ENOX1: variants seen among roughly 807,000 people sequenced by gnomAD.
ENOX1 encodes ecto-NOX disulfide-thiol exchanger 1.
In ENOX1, 42 loss-of-function variants were observed where a neutral mutation model predicts 82.5. The observed-to-expected ratio is 0.51, with a 90% CI of 0.40 to 0.66. The LOEUF is 0.66. Among genes scored for constraint, ENOX1 ranks in the 30% least tolerant of loss-of-function variants. The pLI, the probability that ENOX1 is intolerant of heterozygous loss-of-function variation, is 0.00. For missense variants in ENOX1, 608 were observed against 811.6 expected (o/e 0.75, Z 3.05); for synonymous variants, 271 against 282.2 (o/e 0.96, Z 0.40).
intron 5 of ENOX1, among the ~76,000 whole-genome samples, chr13:43,375,692 CA>C (rs1566068882): frequency 6.6e-6 from 1 of 152,174 alleles, no homozygotes; most frequent in Admixed American, 6.5e-5. Context: ...CTAGCTAAGC[CA>C]CTGTATCCCC....
At chr13:43,291,401 T>A (rs762710141) in intron 12 of ENOX1, among the ~76,000 whole-genome samples, 1 of 152,240 alleles carries the variant, frequency 6.6e-6, no homozygotes, top group South Asian at 2.1e-4. Flanking sequence ...CTTTGTTCCA[T>A]ATTTCAACCT....
chr13:43,588,587 AGTC>A (rs2081098385), intron 2 of ENOX1, among the ~76,000 whole-genome samples: 2 of 152,240 alleles, frequency 1.3e-5, no homozygotes, highest in African/African-American at 4.8e-5. Flanking sequence ...TGAAGTTGAA[AGTC>A]CTACTGGAGC....
intron 1 of ENOX1, among the ~76,000 whole-genome samples, chr13:43,705,280 C>T (rs1200386679): frequency 2.0e-5 from 3 of 147,568 alleles, no homozygotes; most frequent in Admixed American, 6.8e-5. Context: ...AGTGGGACTC[C>T]ATCTCAAAAA....
intron 2 of ENOX1, among the ~76,000 whole-genome samples, chr13:43,592,730 T>G (rs1184468617): frequency 1.3e-5 from 2 of 152,144 alleles, no homozygotes; most frequent in Non-Finnish European, 2.9e-5. Context: ...CTAAGCCAAT[T>G]TAACTTAACT....
At chr13:43,742,474 C>T (rs1054543321) in intron 1 of ENOX1, among the ~76,000 whole-genome samples, 1 of 151,956 alleles carries the variant, frequency 6.6e-6, no homozygotes, top group Non-Finnish European at 1.5e-5. Context: ...TTAGTTCACC[C>T]TTCCTCCATC....
At chr13:43,422,273 T>TG (rs2153607573) in intron 3 of ENOX1, among the ~76,000 whole-genome samples, 1 of 152,342 alleles carries the variant, frequency 6.6e-6, no homozygotes, top group East Asian at 1.9e-4. Flanking sequence ...TGAGACTTCT[T>TG]GCAGCTGCTC....
intron 2 of ENOX1, among the ~76,000 whole-genome samples, chr13:43,622,296 T>C (rs930289882): frequency 6.6e-6 from 1 of 152,176 alleles, no homozygotes; most frequent in African/African-American, 2.4e-5. Flanking sequence ...ACTGGTGTGA[T>C]ATTTTTGGGG....
Position 43,451,624 on chromosome 13 carries a change from T to C in ENOX1, c.-75+32385A>G, listed in dbSNP as rs74359713. On this transcript the variant is annotated intron_variant, in intron 3 of 16. Coordinates refer to ENST00000690772, the MANE Select transcript of ENOX1 (RefSeq NM_001347969.2). ...TAAATGGGAGTCCCTATAAAACTAG[T>C]GTTTTTATTAAAAAAGATACGTACA... Among the ~76,000 whole-genome samples the C allele has an allele frequency of 1.0e-3, 156 of 152,316 alleles. 1 individual carries two copies. The highest frequency in any genetic ancestry group is 3.4e-3 in the African/African-American group (143 of 41,574).
At chr13:43,457,049 G>T (rs1425910507) in intron 3 of ENOX1, among the ~76,000 whole-genome samples, 1 of 151,956 alleles carries the variant, frequency 6.6e-6, no homozygotes, top group African/African-American at 2.4e-5. Context: ...ATTTCAGTGA[G>T]ATTTATTTTT....
At chr13:43,737,303 A>G (rs1233629948) in intron 1 of ENOX1, among the ~76,000 whole-genome samples, 1 of 152,220 alleles carries the variant, frequency 6.6e-6, no homozygotes, top group African/African-American at 2.4e-5. Context: ...CATATCTAAC[A>G]TGGAGCACTA....
chr13:43,745,430 C>A (rs1464316966), intron 1 of ENOX1, among the ~76,000 whole-genome samples: 4 of 152,120 alleles, frequency 2.6e-5, no homozygotes, highest in Non-Finnish European at 4.4e-5. Context: ...GAAATCAAAA[C>A]CACTTAAGGA....
chr13:43,400,538 A>G (rs896094446), intron 5 of ENOX1, among the ~76,000 whole-genome samples: 4 of 152,138 alleles, frequency 2.6e-5, no homozygotes, highest in Admixed American at 1.3e-4. Context: ...ACTGATGATC[A>G]CTTTTTGGTT....
chr13:43,234,561 CAAAAGACCAACAGTGAGGGGA>C (rs1453762757), intron 15 of ENOX1, among the ~76,000 whole-genome samples: 1 of 152,088 alleles, frequency 6.6e-6, no homozygotes, highest in Non-Finnish European at 1.5e-5. Flanking sequence ...TAAACTAGTT[CAAAAGACCAACAGTGAGGGGA>C]AAAGTCTTGG....
intron 11 of ENOX1, 135 bp from the exon 12 acceptor site, chr13:43,298,665 C>T: frequency 1.5e-6 from 1 of 672,152 alleles, no homozygotes; most frequent in African/African-American, 1.8e-5. Flanking sequence ...AAATGCCACT[C>T]CCTGGGCCTC....
chr13:43,371,389 A>G (rs2051233360), intron 5 of ENOX1, among the ~76,000 whole-genome samples: 1 of 152,244 alleles, frequency 6.6e-6, no homozygotes, highest in African/African-American at 2.4e-5. Context: ...CTGGCATTCA[A>G]TGCCTCCTTG....
intron 8 of ENOX1, among the ~76,000 whole-genome samples, chr13:43,351,737 C>T (rs958066814): frequency 6.6e-6 from 1 of 150,908 alleles, no homozygotes. Flanking sequence ...TCATCCATGT[C>T]CCTACAAAGG....
chr13:43,213,871 G>C lies in ENOX1; in HGVS notation c.*119C>G, dbSNP rs1214966222. 1.5e-5 allele frequency: 17 copies of C among 1,118,184 alleles called. No individual in the cohort carries two copies. In the East Asian group the frequency reaches 3.6e-4, roughly 24 times the overall value. 69.3% of individuals were successfully genotyped at this position (1,118,184 alleles called of 1,614,324 possible). ...ACGCCACAGATATAACTAAAGGCAG[G>C]CTTCGATGGCTCCACAAAGGTTGCG... On this transcript the variant is annotated 3_prime_UTR_variant, in exon 17 of 17. Transcript: ENST00000690772.
At chr13:43,600,283 C>T (rs558374453) in intron 2 of ENOX1, among the ~76,000 whole-genome samples, 98 of 152,272 alleles carry the variant, frequency 6.4e-4, no homozygotes, top group African/African-American at 2.3e-3. Context: ...TGGACCAGCA[C>T]TGGCCAGAGA....
chr13:43,506,673 C>A lies in ENOX1; in HGVS notation c.-218-22521G>T, dbSNP rs1162998221. Among the ~76,000 whole-genome samples, 6 of 134,506 alleles carry A rather than the reference C, an allele frequency of 4.5e-5. 2 individuals are homozygous for A. The highest frequency in any genetic ancestry group is 2.3e-4 in the Admixed American group (3 of 13,284). The allele number at this position is 134,506 out of a possible 152,430, so 88.2% of individuals were successfully genotyped here. Reference sequence around the variant, plus strand: ...ATGCAGCCATAAAAAATGATGAGTTCATGTCCTTTGTAGGGACATGGATGA... The same window carrying A: ...ATGCAGCCATAAAAAATGATGAGTTAATGTCCTTTGTAGGGACATGGATGA... On this transcript the variant is annotated intron_variant, in intron 2 of 16. Coordinates refer to ENST00000690772, the MANE Select transcript of ENOX1 (RefSeq NM_001347969.2).
Sources: gnomAD v4.1 joint callset for allele counts (sites outside exome capture counted in the v4.1 genomes callset) on GRCh38, gnomAD v4.1.1 for gene constraint, MANE v1.5 for transcripts, NCBI Gene and HGNC (gene_info 2026-07-23, HGNC 2026-07-21) for gene names.